Variants in UNC13C observed in about 807,000 individuals in gnomAD.
UNC13C encodes protein unc-13 homolog C.
Under a neutral mutation model 245.4 loss-of-function variants are expected in UNC13C, and 174 were observed. The ratio of observed to expected loss-of-function variants is 0.71; its 90% CI spans 0.63 to 0.80. The LOEUF (loss-of-function observed/expected upper bound fraction) is 0.80, where lower values mean the gene tolerates loss of function less well. Among genes scored for constraint, UNC13C ranks in the 30% least tolerant of loss-of-function variants. The pLI is 0.00. For synonymous variants in UNC13C, 992 were observed against 895.1 expected, an observed-to-expected ratio of 1.11 and a Z score of -1.93; for missense variants, 2,829 against 2,602.9, an observed-to-expected ratio of 1.09 and a Z score of -1.89.
At chr15:54,347,067 GATA>G (rs1382714735) in intron 17 of UNC13C, among the ~76,000 whole-genome samples, 1 of 152,122 alleles carries the variant, frequency 6.6e-6, no homozygotes, top group African/African-American at 2.4e-5. Flanking sequence ...GAATTAGCTG[GATA>G]ATATTAATAG....
intron 17 of UNC13C, among the ~76,000 whole-genome samples, chr15:54,388,110 A>G (rs1428246075): frequency 6.6e-6 from 1 of 152,120 alleles, no homozygotes; most frequent in African/African-American, 2.4e-5. Context: ...GACGAAACAC[A>G]AATATCCTAC....
At chr15:54,613,360 T>C (rs1305430153) in intron 30 of UNC13C, among the ~76,000 whole-genome samples, 2 of 151,914 alleles carry the variant, frequency 1.3e-5, no homozygotes, top group East Asian at 3.9e-4. Context: ...GTTGCTATTA[T>C]TTACTAAATA....
chr15:54,396,673 T>C (rs2040076448), intron 18 of UNC13C, among the ~76,000 whole-genome samples: 1 of 151,532 alleles, frequency 6.6e-6, no homozygotes, highest in African/African-American at 2.4e-5. Flanking sequence ...AAAGTGGCTG[T>C]ACCATGCCAA....
chr15:54,556,019 C>T (rs1010158557), intron 29 of UNC13C, among the ~76,000 whole-genome samples: 6 of 151,990 alleles, frequency 3.9e-5, no homozygotes, highest in African/African-American at 1.4e-4. Context: ...GTCGTTTGTA[C>T]GCATCAGCTG....
the UNC13C span, among the ~76,000 whole-genome samples, chr15:53,969,610 T>G: frequency 7.0e-6 from 1 of 143,510 alleles, no homozygotes; most frequent in South Asian, 2.2e-4. Flanking sequence ...TGCTTGAGCA[T>G]AAGAGTTAGA....
intron 2 of UNC13C, among the ~76,000 whole-genome samples, chr15:54,128,111 T>C (rs1188162047): frequency 6.6e-6 from 1 of 152,136 alleles, no homozygotes; most frequent in African/African-American, 2.4e-5. Flanking sequence ...AGCATTTCTA[T>C]ACACCAACAA....
At chr15:54,185,116 T>G (rs2033932364) in intron 4 of UNC13C, among the ~76,000 whole-genome samples, 1 of 152,126 alleles carries the variant, frequency 6.6e-6, no homozygotes, top group African/African-American at 2.4e-5. Flanking sequence ...GACGGGGTTG[T>G]TTGTTTTTTT....
chr15:53,983,961 T>G (rs1366422737), intron 1 of UNC13C, among the ~76,000 whole-genome samples: 1 of 152,156 alleles, frequency 6.6e-6, no homozygotes, highest in East Asian at 1.9e-4. Flanking sequence ...TGTCTTCTGT[T>G]ATCTTCCTAT....
intron 4 of UNC13C, among the ~76,000 whole-genome samples, chr15:54,226,195 A>G (rs2035376734): frequency 6.6e-6 from 1 of 152,166 alleles, no homozygotes; most frequent in Admixed American, 6.5e-5. Context: ...GTGCTGCTGG[A>G]TTCAGTGCCA....
chr15:54,004,808 T>C (rs1229107153), intron 1 of UNC13C, among the ~76,000 whole-genome samples: 1 of 152,234 alleles, frequency 6.6e-6, no homozygotes, highest in East Asian at 1.9e-4. Context: ...ATATATTCTT[T>C]TGATAAATGT....
At chr15:54,300,859 G>A (rs914062840) in intron 13 of UNC13C, among the ~76,000 whole-genome samples, 1 of 152,122 alleles carries the variant, frequency 6.6e-6, no homozygotes, top group African/African-American at 2.4e-5. Flanking sequence ...ATGGTGTCTT[G>A]TTCCAAATTT....
At chr15:53,896,028 A>G in the UNC13C span, among the ~76,000 whole-genome samples, 1 of 111,888 alleles carries the variant, frequency 8.9e-6, no homozygotes, top group East Asian at 3.2e-4. Context: ...CATCTCAAAC[A>G]AAATGATAAT....
intron 1 of UNC13C, among the ~76,000 whole-genome samples, chr15:53,999,881 G>T (rs1178560716): frequency 6.6e-6 from 1 of 151,878 alleles, no homozygotes; most frequent in Non-Finnish European, 1.5e-5. Context: ...TTTTTTAAAT[G>T]TCTTTTATTA....
At chr15:54,279,285 T>G (rs980823181) in intron 10 of UNC13C, among the ~76,000 whole-genome samples, 1 of 152,176 alleles carries the variant, frequency 6.6e-6, no homozygotes, top group Non-Finnish European at 1.5e-5. Context: ...GAACATTTGC[T>G]CCGTTTGAGA....
Position 54,085,767 on chromosome 15 carries a change from CG to C in UNC13C, c.2984-57247del, listed in dbSNP as rs1899204566. On this transcript the variant is annotated intron_variant, in intron 2 of 32. Coordinates refer to ENST00000260323, the MANE Select transcript of UNC13C (RefSeq NM_001080534.3). ...AGAAAACTAGGCACAAGACAAGGGT[CG>C]GGGTGCTGGCTGATGCTTCATGACA... Among the ~76,000 whole-genome samples the C allele has an allele frequency of 2.0e-5, 3 of 152,026 alleles. No individual in the cohort carries two copies. The South Asian group carries it at 6.2e-4, about 31-fold the overall frequency.
chr15:54,063,866 G>T (rs1448473790), intron 2 of UNC13C, among the ~76,000 whole-genome samples: 1 of 152,100 alleles, frequency 6.6e-6, no homozygotes, highest in Non-Finnish European at 1.5e-5. Flanking sequence ...GGAGGGGAAA[G>T]GGCCATTAGA....
intron 4 of UNC13C, among the ~76,000 whole-genome samples, chr15:54,221,796 A>C (rs1286854803): frequency 6.6e-6 from 1 of 152,070 alleles, no homozygotes; most frequent in African/African-American, 2.4e-5. Context: ...AGAGTATACA[A>C]ATTTTCTGAT....
chr15:54,078,965 C>A (rs1004043136), intron 2 of UNC13C, among the ~76,000 whole-genome samples: 1 of 152,028 alleles, frequency 6.6e-6, no homozygotes, highest in Admixed American at 6.6e-5. Flanking sequence ...AAGTCCTTCA[C>A]CCATCTTGAG....
intron 30 of UNC13C, among the ~76,000 whole-genome samples, chr15:54,591,957 C>T (rs1426844987): frequency 6.6e-6 from 1 of 152,060 alleles, no homozygotes; most frequent in African/African-American, 2.4e-5. Context: ...GTTAACACCA[C>T]CTTAGCTGTA....
Sources: gnomAD v4.1 joint callset for allele counts (sites outside exome capture counted in the v4.1 genomes callset) on GRCh38, gnomAD v4.1.1 for gene constraint, MANE v1.5 for transcripts, NCBI Gene and HGNC (gene_info 2026-07-23, HGNC 2026-07-21) for gene names.